The following RUNDC3B variants were observed in gnomAD, a reference collection of about 807,000 sequenced individuals.
RUNDC3B encodes RUN domain-containing protein 3B.
A neutral mutation model predicts 58.4 loss-of-function variants in RUNDC3B; 33 were observed. The ratio of observed to expected loss-of-function variants is 0.56; its 90% CI spans 0.43 to 0.75. RUNDC3B has a LOEUF of 0.75. Among genes scored for constraint, RUNDC3B ranks in the 30% least tolerant of loss-of-function variants. The pLI is 0.00. For synonymous variants in RUNDC3B, 193 were observed against 195.2 expected, an observed-to-expected ratio of 0.99 and a Z score of 0.10; for missense variants, 501 against 535.7, an observed-to-expected ratio of 0.94 and a Z score of 0.64.
intron 2 of RUNDC3B, among the ~76,000 whole-genome samples, chr7:87,695,624 G>C (rs1282100157): frequency 6.6e-6 from 1 of 152,132 alleles, no homozygotes; most frequent in Middle Eastern, 3.4e-3. Flanking sequence ...ACTTTCATTT[G>C]TGAAATCAGT....
intron 2 of RUNDC3B, among the ~76,000 whole-genome samples, chr7:87,670,940 TG>T (rs1377041567): frequency 6.6e-6 from 1 of 152,242 alleles, no homozygotes; most frequent in Admixed American, 6.5e-5. Flanking sequence ...TTGGTACTTC[TG>T]GGCTGCCCAC....
chr7:87,693,488 G>T (rs559210060), intron 2 of RUNDC3B, among the ~76,000 whole-genome samples: 1 of 152,246 alleles, frequency 6.6e-6, no homozygotes, highest in South Asian at 2.1e-4. Context: ...GAGCCATATA[G>T]TTCCAAAGTG....
Position 87,799,145 on chromosome 7 carries a change from T to C in RUNDC3B, c.957-8228T>C, listed in dbSNP as rs181409336. Among the ~76,000 whole-genome samples the C allele has an allele frequency of 8.1e-4, 123 of 152,362 alleles. 1 individual carries two copies. The highest frequency in any genetic ancestry group is 2.4e-3 in the Admixed American group (37 of 15,310). ...AATTGCTTTTGTAACTTCTCTGATATTGTTTTATTAACAGATATTTATTGA... is the reference window on the plus strand; with the variant it reads ...AATTGCTTTTGTAACTTCTCTGATACTGTTTTATTAACAGATATTTATTGA... On this transcript the variant is annotated intron_variant, in intron 8 of 10. Coordinates refer to ENST00000394654, the MANE Select transcript of RUNDC3B (RefSeq NM_001134405.2).
intron 6 of RUNDC3B, among the ~76,000 whole-genome samples, chr7:87,754,627 T>C (rs1244710417): frequency 6.6e-6 from 1 of 151,892 alleles, no homozygotes; most frequent in Non-Finnish European, 1.5e-5. Flanking sequence ...ACAAAAAAAT[T>C]CAAAACATCA....
intron 3 of RUNDC3B, among the ~76,000 whole-genome samples, chr7:87,705,018 C>T (rs556891269): frequency 6.6e-6 from 1 of 152,202 alleles, no homozygotes; most frequent in Admixed American, 6.5e-5. Flanking sequence ...GAACAGTATA[C>T]AGTATACAAG....
intron 4 of RUNDC3B, among the ~76,000 whole-genome samples, chr7:87,712,634 A>G (rs1265069840): frequency 6.6e-6 from 1 of 152,114 alleles, no homozygotes; most frequent in African/African-American, 2.4e-5. Context: ...TTATTTTTAG[A>G]ACAAGTAGTT....
intron 1 of RUNDC3B, among the ~76,000 whole-genome samples, chr7:87,631,443 A>T (rs1188990429): frequency 6.6e-6 from 1 of 151,964 alleles, no homozygotes; most frequent in East Asian, 1.9e-4. Context: ...CAGGCTGGAG[A>T]GCAGTGGCGC....
chr7:87,751,453 C>T (rs1042891026), intron 6 of RUNDC3B, among the ~76,000 whole-genome samples: 7 of 152,250 alleles, frequency 4.6e-5, no homozygotes, highest in African/African-American at 1.7e-4. Flanking sequence ...GGCATTGAAT[C>T]TGTAAATTAC....
intron 10 of RUNDC3B, among the ~76,000 whole-genome samples, chr7:87,821,298 A>G (rs1262606347): frequency 1.3e-5 from 2 of 152,186 alleles, no homozygotes; most frequent in African/African-American, 4.8e-5. Context: ...CAATTGCTTC[A>G]AAGAGAATAA....
intron 9 of RUNDC3B, 31 bp from the exon 10 acceptor site, chr7:87,816,110 A>G: frequency 1.3e-6 from 2 of 1,505,200 alleles, no homozygotes; most frequent in East Asian, 4.5e-5. Flanking sequence ...GTGAAAAGAA[A>G]TTCAAGTAGT....
intron 1 of RUNDC3B, among the ~76,000 whole-genome samples, chr7:87,640,210 T>TA (rs1563094743): frequency 6.7e-6 from 1 of 149,174 alleles, no homozygotes; most frequent in African/African-American, 2.5e-5. Flanking sequence ...ATATATATAT[T>TA]AAATCTTACA....
chr7:87,775,353 G>A (rs947873877), intron 7 of RUNDC3B, among the ~76,000 whole-genome samples: 1 of 152,116 alleles, frequency 6.6e-6, no homozygotes, highest in Non-Finnish European at 1.5e-5. Context: ...TATAGAATAA[G>A]GATGTTAAAA....
intron 2 of RUNDC3B, among the ~76,000 whole-genome samples, chr7:87,692,698 A>G (rs984079710): frequency 1.3e-5 from 2 of 152,198 alleles, no homozygotes; most frequent in African/African-American, 4.8e-5. Flanking sequence ...TAGGACAGAG[A>G]TAGTAAATGT....
intron 3 of RUNDC3B, among the ~76,000 whole-genome samples, chr7:87,707,544 C>A (rs182454945): frequency 2.6e-5 from 4 of 152,040 alleles, no homozygotes; most frequent in Non-Finnish European, 5.9e-5. Flanking sequence ...TGTGGTGGCA[C>A]GCACCTGTAG....
intron 1 of RUNDC3B, among the ~76,000 whole-genome samples, chr7:87,632,596 C>T (rs1821335024): frequency 6.6e-6 from 1 of 152,028 alleles, no homozygotes; most frequent in African/African-American, 2.4e-5. Flanking sequence ...TAGTATTTTC[C>T]CTGTATATTC....
chr7:87,799,112 TG>T (rs1384217085), intron 8 of RUNDC3B, among the ~76,000 whole-genome samples: 2 of 152,232 alleles, frequency 1.3e-5, no homozygotes, highest in African/African-American at 4.8e-5. Flanking sequence ...TTACTCCTCT[TG>T]GTATTAAATT....
chr7:87,804,655 G>C (rs961190166), intron 8 of RUNDC3B, among the ~76,000 whole-genome samples: 12 of 152,112 alleles, frequency 7.9e-5, no homozygotes, highest in Non-Finnish European at 1.2e-4. Flanking sequence ...TTGTCTTAAT[G>C]AGGGAATGAG....
At chr7:87,771,637 A>G (rs1261326580) in intron 7 of RUNDC3B, among the ~76,000 whole-genome samples, 1 of 152,168 alleles carries the variant, frequency 6.6e-6, no homozygotes, top group Non-Finnish European at 1.5e-5. Flanking sequence ...ACCTAACACA[A>G]GAAGAATATG....
intron 4 of RUNDC3B, chr7:87,713,380 A>T (rs540240137): frequency 2.0e-5 from 3 of 152,174 alleles, no homozygotes; most frequent in Non-Finnish European, 4.4e-5. Flanking sequence ...TGAAAGCACT[A>T]ATCAGTGAAA....
Sources: allele counts gnomAD v4.1 joint callset (sites outside exome capture counted in the v4.1 genomes callset), GRCh38; gene constraint gnomAD v4.1.1; transcripts MANE v1.5; gene names NCBI Gene and HGNC (gene_info 2026-07-23, HGNC 2026-07-21).